The following ZNF766 variants were observed in gnomAD, a reference collection of about 807,000 sequenced individuals.
The protein encoded by ZNF766 is zinc finger protein 766.
ZNF766 carries 13 observed loss-of-function variants against 13.2 expected under a neutral mutation model. The ratio of observed to expected loss-of-function variants is 0.98; its 90% CI spans 0.64 to 1.56. The LOEUF is 1.56. Ranked by LOEUF, ZNF766 falls within the 40% of genes most tolerant of loss-of-function variation. The probability of loss-of-function intolerance (pLI) is 0.00; values close to 1 mark genes in which losing one functional copy is unlikely to be tolerated. For missense variants in ZNF766, 521 were observed against 552.2 expected (o/e 0.94, Z 0.57); for synonymous variants, 178 against 187.6 (o/e 0.95, Z 0.42).
chr19:52,274,551 A>C (rs1307705532), intron 1 of ZNF766: 1 of 152,308 alleles, frequency 6.6e-6, no homozygotes, highest in Non-Finnish European at 1.5e-5. Context: ...GAGTCATTGG[A>C]ACTGATACAG....
At chr19:52,277,647 G>T in intron 1 of ZNF766, 1 of 1,257,070 alleles carries the variant, frequency 8.0e-7, no homozygotes, top group Non-Finnish European at 1.1e-6. Context: ...TGCCTGACAG[G>T]TTTGCTCACA....
Position 52,293,949 on chromosome 19 carries a change from G to A in ZNF766, c.*2751G>A, listed in dbSNP as rs539566000. The A allele has an allele frequency of 1.3e-5, 2 of 152,290 alleles. No individual in the cohort carries two copies. Among genetic ancestry groups the A allele is most frequent in the Admixed American group, 6.5e-5 (1 of 15,286 alleles). 9.4% of individuals were successfully genotyped at this position (152,290 alleles called of 1,614,324 possible). ...CTACCTCTCTACTCTGCCCTAAGAT[G>A]CTTTTGTGGGTAAAGTGAAAATCAC... On this transcript the variant is annotated 3_prime_UTR_variant, in exon 4 of 4. Transcript: ENST00000439461.
chr19:52,287,514 G>A (rs1408150243), intron 3 of ZNF766, among the ~76,000 whole-genome samples: 3 of 152,224 alleles, frequency 2.0e-5, no homozygotes, highest in Admixed American at 2.0e-4. Flanking sequence ...GTGTGTAGAA[G>A]TGGTTCACCT....
At chr19:52,279,534 T>A (rs1981378452) in intron 1 of ZNF766, among the ~76,000 whole-genome samples, 1 of 152,060 alleles carries the variant, frequency 6.6e-6, no homozygotes, top group South Asian at 2.1e-4. Flanking sequence ...CTGATTTCTT[T>A]GAGCAGTGGT....
At chr19:52,281,370 T>A (rs1309196285) in intron 1 of ZNF766, 3 of 252,362 alleles carry the variant, frequency 1.2e-5, no homozygotes, top group Non-Finnish European at 1.6e-5. Flanking sequence ...AATACAAAAA[T>A]TAGCCAGGTA....
chr19:52,286,193 C>CG (rs896377954), intron 3 of ZNF766, among the ~76,000 whole-genome samples: 3 of 150,842 alleles, frequency 2.0e-5, no homozygotes, highest in South Asian at 4.2e-4. Flanking sequence ...GCTTTTCCCC[C>CG]CTAATTATAA....
chr19:52,289,931 G>A (rs1346310908), intron 3 of ZNF766, 135 bp from the exon 4 acceptor site: 23 of 819,928 alleles, frequency 2.8e-5, no homozygotes, highest in Non-Finnish European at 4.0e-5. Context: ...AACCTGGGAG[G>A]CGGAGCTTGC....
Position 52,282,226 on chromosome 19 carries a change from T to C in ZNF766, c.134T>C (p.Leu45Pro). 6.2e-7 allele frequency: 1 copy of C among 1,601,234 alleles called. No homozygotes were observed. Among genetic ancestry groups the C allele is most frequent in the Non-Finnish European group, 8.5e-7 (1 of 1,172,108 alleles). Residue 45 changes from leucine (L) to proline (P), a missense_variant, in exon 2 of 4, where the codon CTG (leucine) becomes CCG (proline). Leu to Pro is a moderately conservative substitution (Grantham distance 98, BLOSUM62 -3). Transcript: ENST00000439461. Reference sequence around the variant, plus strand: ...GTGATGTTGGAGAACTACAGGAACCTGGTCTCCCTGGGTAAGGATAATGCC... The same window carrying C: ...GTGATGTTGGAGAACTACAGGAACCCGGTCTCCCTGGGTAAGGATAATGCC... ...RDVMLENYRN[L>P]VSLGICLPDL...
chr19:52,289,632 A>G (rs1982008500), intron 3 of ZNF766, among the ~76,000 whole-genome samples: 1 of 152,134 alleles, frequency 6.6e-6, no homozygotes. Flanking sequence ...CTCCACTGCC[A>G]GTGTGATACT....
At chr19:52,284,284 C>T (rs1002721019) in intron 3 of ZNF766, among the ~76,000 whole-genome samples, 4 of 152,166 alleles carry the variant, frequency 2.6e-5, no homozygotes, top group Non-Finnish European at 5.9e-5. Context: ...TACATCAGAG[C>T]TGAGGTCTGC....
At chr19:52,288,037 T>C (rs768590423) in intron 3 of ZNF766, 38 of 427,912 alleles carry the variant, frequency 8.9e-5, no homozygotes, top group South Asian at 6.3e-4. Flanking sequence ...CTTTTTTTTT[T>C]TGAGATGGAG....
In ZNF766 at chr19:52,277,647, G is replaced by A. The variant is rs116814122; in HGVS notation, c.19-4464G>A. The A allele has an allele frequency of 3.6e-3, 4,496 of 1,257,050 alleles. 134 individuals carry two copies. The African/African-American group carries it at 0.059, about 16-fold the overall frequency. The allele number at this position is 1,257,050 out of a possible 1,614,324, so 77.9% of individuals were successfully genotyped here. ...GAGTCTGAAGCATCCTGCCTGACAGGTTTGCTCACACTCACCCATGCCTTC... is the reference window on the plus strand; with the variant it reads ...GAGTCTGAAGCATCCTGCCTGACAGATTTGCTCACACTCACCCATGCCTTC... On this transcript the variant is annotated intron_variant, in intron 1 of 3. Coordinates refer to ENST00000439461, the MANE Select transcript of ZNF766 (RefSeq NM_001010851.3).
chr19:52,295,160 C>T lies in ZNF766; in HGVS notation c.*3962C>T, dbSNP rs1388352033. The T allele has an allele frequency of 6.6e-6, 1 of 151,020 alleles. No homozygotes were observed. The highest frequency in any genetic ancestry group is 1.5e-5 in the Non-Finnish European group (1 of 67,842). The allele number at this position is 151,020 out of a possible 1,614,324, so 9.4% of individuals were successfully genotyped here. A position where few individuals can be genotyped will look rare whatever the true frequency, so the allele number is the denominator to read the frequency against. ...TTTTTTACTTTTTTCTTTTTCTGTA[C>T]ATTGCATCCAGATGCTATGCTTGTT... On this transcript the variant is annotated 3_prime_UTR_variant, in exon 4 of 4. Transcript: ENST00000439461.
intron 1 of ZNF766, among the ~76,000 whole-genome samples, chr19:52,274,820 A>T (rs922064903): frequency 1.8e-4 from 23 of 131,000 alleles, no homozygotes; most frequent in Non-Finnish European, 1.6e-5. Flanking sequence ...GTGAGACTCC[A>T]TCTCAAAAAA....
intron 1 of ZNF766, 165 bp from the exon 2 acceptor site, chr19:52,281,946 C>A: frequency 1.2e-6 from 1 of 803,124 alleles, no homozygotes; most frequent in Non-Finnish European, 2.0e-6. Context: ...TATAATAAAA[C>A]TCAATCACAG....
rs71254004 is a variant in ZNF766, at chr19:52,286,188, T to TCCCCCCC, written c.274+2781_274+2782insCCCCCCC. 9.5e-5 allele frequency among the ~76,000 whole-genome samples: 14 copies of TCCCCCCC among 146,614 alleles called. 1 individual carries two copies. Among genetic ancestry groups the TCCCCCCC allele is most frequent in the African/African-American group, 2.9e-4 (11 of 37,292 alleles). On this transcript the variant is annotated intron_variant, in intron 3 of 3. Coordinates refer to ENST00000439461, the MANE Select transcript of ZNF766 (RefSeq NM_001010851.3). ...GAAAGAAAGAATCCAAGTGGGCTTT[T>TCCCCCCC]CCCCCCTAATTATAAAGGAAAAGCC...
At chr19:52,270,104 A>C (rs1303638230) in intron 1 of ZNF766, among the ~76,000 whole-genome samples, 1 of 152,090 alleles carries the variant, frequency 6.6e-6, no homozygotes, top group African/African-American at 2.4e-5. Flanking sequence ...GCCTTTTCGC[A>C]GTCACGGCTT....
At position 52,281,496 on chromosome 19, in the gene ZNF766, G is replaced by T. The variant is rs568832563; in HGVS notation, c.19-615G>T. 25 of 280,882 alleles carry T rather than the reference G, an allele frequency of 8.9e-5. 1 individual carries two copies. In the East Asian group the frequency reaches 3.5e-3, roughly 39 times the overall value. 17.4% of individuals were successfully genotyped at this position (280,882 alleles called of 1,614,324 possible). A position where few individuals can be genotyped will look rare whatever the true frequency, so the allele number is the denominator to read the frequency against. ...ATTGCGCCACTGCACTCCAGCCTGG[G>T]TGACAGACTGAGACTCTGTCAATAA... On this transcript the variant is annotated intron_variant, in intron 1 of 3. Transcript: ENST00000439461.
intron 1 of ZNF766, among the ~76,000 whole-genome samples, chr19:52,276,031 C>T (rs78354041): frequency 2.4e-4 from 37 of 152,038 alleles, no homozygotes; most frequent in Non-Finnish European, 8.8e-5. Context: ...GAGTACTTAC[C>T]GTTGTTACAG....
Sources: allele counts gnomAD v4.1 joint callset (sites outside exome capture counted in the v4.1 genomes callset), GRCh38; gene constraint gnomAD v4.1.1; transcripts MANE v1.5; gene names NCBI Gene and HGNC (gene_info 2026-07-23, HGNC 2026-07-21).